The following BAP1 variants were observed in gnomAD, a reference collection of about 807,000 sequenced individuals.
BAP1 encodes the protein BRCA1 associated deubiquitinase 1, also known as ubiquitin carboxyl-terminal hydrolase BAP1.
A neutral mutation model predicts 77.2 loss-of-function variants in BAP1; 16 were observed. The observed-to-expected ratio is 0.21, with a 90% confidence interval of 0.14 to 0.31. BAP1 has a LOEUF of 0.31. Among genes scored for constraint, BAP1 ranks in the 10% least tolerant of loss-of-function variants. The pLI is 1.00. For missense variants in BAP1, 699 were observed against 967.3 expected, an observed-to-expected ratio of 0.72 and a Z score of 3.68; for synonymous variants, 362 against 385.2, an observed-to-expected ratio of 0.94 and a Z score of 0.71.
rs2153226192 is a variant in BAP1 at position 52,402,628 on chromosome 3, G to A, written c.2030C>T (p.Thr677Ile). ...RTHNYDEFIC[T>I]FISMLAQEGM... is the part of the protein sequence containing the mutation. ...TTCCTGAGCCAGCATGGAGATAAAG[G>A]TGCAGATGAACTCATCGTAGTTGTG... The change falls in exon 16 of 17, where the codon ACC (threonine) becomes ATC (isoleucine). Residue 677 changes from threonine to isoleucine, a missense_variant. This residue lies in a region of BAP1 where 64 missense variants were observed against 112.1 expected (regional missense o/e 0.57). Transcript: ENST00000460680. This position sits in a 1 kb window ranked among gnomAD's most constrained non-coding sequence, Gnocchi z 5.3. The A allele has an allele frequency of 6.2e-7, 1 of 1,614,208 alleles. No individual in the cohort carries two copies. The highest frequency in any genetic ancestry group is 8.5e-7 in the Non-Finnish European group (1 of 1,180,034).
chr3:52,408,364 C>G, intron 4 of BAP1, 110 bp downstream of exon 4: 2 of 1,496,610 alleles, frequency 1.3e-6, no homozygotes, highest in Non-Finnish European at 1.8e-6. Context: ...TCTGTAGCTA[C>G]CACCCCTAGA....
In BAP1 at chr3:52,405,361, C is replaced by T. The variant is rs756607025; in HGVS notation, c.932-67G>A. 3.0e-4 allele frequency: 474 copies of T among 1,593,912 alleles called. 1 individual carries two copies. Among genetic ancestry groups the T allele is most frequent in the Non-Finnish European group, 3.5e-4 (409 of 1,166,856 alleles). On this transcript the variant is annotated intron_variant, in intron 10 of 16. Transcript: ENST00000460680. ...CTCCAAGAAAAGCTCACAGTCTCCCCGGCCCTGTGAACCAGCACTTCCCAG... is the reference window on the plus strand; with the variant it reads ...CTCCAAGAAAAGCTCACAGTCTCCCTGGCCCTGTGAACCAGCACTTCCCAG...
At chr3:52,407,922 T>C (rs376350342) in intron 5 of BAP1, 36 bp downstream of exon 5, 18 of 1,612,424 alleles carry the variant, frequency 1.1e-5, no homozygotes, top group East Asian at 2.2e-5. Context: ...ATCTGCCCAG[T>C]TGGCTGTGAG....
Position 52,406,480 on chromosome 3 carries a change from T to C in BAP1, c.660-104A>G. ...CTCCCTGCAGTCACACCTGCAGCTG[T>C]AGGTATAGGCCCCACCCCAACAGGC... On this transcript the variant is annotated intron_variant, in intron 8 of 16. Transcript: ENST00000460680. This position sits in a 1 kb window ranked among gnomAD's most constrained non-coding sequence, Gnocchi z 4.6. 1 of 1,545,748 alleles carries C rather than the reference T, an allele frequency of 6.5e-7. No homozygotes were observed. Among genetic ancestry groups the C allele is most frequent in the Non-Finnish European group, 8.8e-7 (1 of 1,141,390 alleles).
chr3:52,405,664 C>A, intron 10 of BAP1, 101 bp downstream of exon 10: 1 of 1,533,742 alleles, frequency 6.5e-7, no homozygotes, highest in Non-Finnish European at 8.8e-7. Context: ...GAACACTGCC[C>A]AAGGACATCC....
chr3:52,402,212 G>C lies in BAP1; in HGVS notation c.*76C>G. The C allele has an allele frequency of 6.4e-7, 1 of 1,556,410 alleles. No homozygotes were observed. Among genetic ancestry groups the C allele is most frequent in the Non-Finnish European group, 8.7e-7 (1 of 1,152,448 alleles). Reference sequence around the variant, plus strand: ...GGACTATTCAGTAATACTGGGAAAAGGGGAAGTGGGGCAGGGAAGGACCCT... The same window carrying C: ...GGACTATTCAGTAATACTGGGAAAACGGGAAGTGGGGCAGGGAAGGACCCT... On this transcript the variant is annotated 3_prime_UTR_variant, in exon 17 of 17. Transcript: ENST00000460680. The surrounding 1 kb of genome is among the most constrained non-coding windows in gnomAD (Gnocchi z 5.3).
chr3:52,405,568 G>A, intron 10 of BAP1, 197 bp downstream of exon 10: 1 of 773,630 alleles, frequency 1.3e-6, no homozygotes, highest in South Asian at 1.8e-5. Flanking sequence ...ACAGAGAAGG[G>A]CCCAGGGGCC....
intron 5 of BAP1, 89 bp from the exon 6 acceptor site, chr3:52,407,549 A>C: frequency 6.4e-7 from 1 of 1,555,680 alleles, no homozygotes; most frequent in Non-Finnish European, 8.9e-7. Flanking sequence ...AGCAGCCTGG[A>C]GGCATTCCAG....
Position 52,406,222 on chromosome 3 carries a change from T to A in BAP1, c.783+31A>T, listed in dbSNP as rs1431047957. On this transcript the variant is annotated intron_variant, in intron 9 of 16. Coordinates refer to ENST00000460680, the MANE Select transcript of BAP1 (RefSeq NM_004656.4). The surrounding 1 kb of genome is among the most constrained non-coding windows in gnomAD (Gnocchi z 4.6). Reference sequence around the variant, plus strand: ...AGGAGGAATGCAGGGAGGGTTGGGCTGGGCAGAGGCCAGGAAGAAAGGGCA... The same window carrying A: ...AGGAGGAATGCAGGGAGGGTTGGGCAGGGCAGAGGCCAGGAAGAAAGGGCA... The A allele has an allele frequency of 2.5e-6, 4 of 1,590,840 alleles. No individual in the cohort carries two copies. Among genetic ancestry groups the A allele is most frequent in the Non-Finnish European group, 3.4e-6 (4 of 1,164,496 alleles).
At chr3:52,409,669 G>A (rs762606269) in intron 2 of BAP1, 45 bp downstream of exon 2, 6 of 1,614,116 alleles carry the variant, frequency 3.7e-6, no homozygotes, top group Middle Eastern at 1.6e-4. Context: ...GGGCGCAGGG[G>A]TGGGCCGCCA....
In BAP1 at chr3:52,402,078, T is replaced by G. The variant is rs1704972844; in HGVS notation, c.*210A>C. ...TACCTCGCTGTGCCCCAACTCCAGA[T>G]GCTGCCTCCTGAGCACTATGGGGCT... On this transcript the variant is annotated 3_prime_UTR_variant, in exon 17 of 17. Transcript: ENST00000460680. This position sits in a 1 kb window ranked among gnomAD's most constrained non-coding sequence, Gnocchi z 5.3. 1.2e-6 allele frequency: 1 copy of G among 836,716 alleles called. No homozygotes were observed. Among genetic ancestry groups the G allele is most frequent in the Admixed American group, 2.8e-5 (1 of 35,250 alleles). 51.8% of individuals were successfully genotyped at this position (836,716 alleles called of 1,614,324 possible).
At position 52,402,792 on chromosome 3, in the gene BAP1, C is replaced by T. The variant is rs1482658944; in HGVS notation, c.1970G>A (p.Arg657Lys). Residue 657 changes from arginine (R) to lysine (K), a missense_variant, in exon 15 of 17, where the codon AGG (arginine) becomes AAG (lysine). Physicochemically the swap from Arg to Lys is conservative, Grantham distance 26. Around this residue, in one of 3 missense-constraint regions of BAP1, gnomAD observed 64 missense variants for 112.1 expected, o/e 0.57. Transcript: ENST00000460680. The surrounding 1 kb of genome is among the most constrained non-coding windows in gnomAD (Gnocchi z 5.3). ...GAAATCACCCACCTTGAACTTCTTC[C>T]TCTTCTCTACCTCCTCCTTGAGGCA... ...EACLKEEVEKRKKFKIDDQRR... is the reference protein window; with the variant it reads ...EACLKEEVEKKKKFKIDDQRR... 1.2e-6 allele frequency: 2 copies of T among 1,614,232 alleles called. No individual in the cohort carries two copies. Among genetic ancestry groups the T allele is most frequent in the South Asian group, 1.1e-5 (1 of 91,086 alleles).
At chr3:52,409,817 C>G in intron 1 of BAP1, 25 bp downstream of exon 1, 1 of 1,612,964 alleles carries the variant, frequency 6.2e-7, no homozygotes, top group Admixed American at 1.7e-5. Flanking sequence ...TCCCCAGCCC[C>G]TGGCCCTCCC....
intron 11 of BAP1, 114 bp downstream of exon 11, chr3:52,404,996 A>G (rs1705102619): frequency 7.0e-7 from 1 of 1,426,260 alleles, no homozygotes; most frequent in Admixed American, 1.7e-5. Context: ...AGGCCCAGGC[A>G]GCTTGACCCA....
rs1437648704 is a variant in BAP1 at position 52,403,874 on chromosome 3, C to T, written c.1271G>A (p.Gly424Glu). 2 of 1,614,086 alleles carry T rather than the reference C, an allele frequency of 1.2e-6. No individual in the cohort carries two copies. Among genetic ancestry groups the T allele is most frequent in the South Asian group, 1.1e-5 (1 of 91,074 alleles). ...AGAACCGCTCAATGCCCCTGGCTTCCCTGTTCCCTTCCCCTTATACCTGTG... is the reference window on the plus strand; with the variant it reads ...AGAACCGCTCAATGCCCCTGGCTTCTCTGTTCCCTTCCCCTTATACCTGTG... ...SALRYKGKGTGKPGALSGSAD... is the reference protein window; with the variant it reads ...SALRYKGKGTEKPGALSGSAD... The change falls in exon 13 of 17, where the codon GGG becomes GAG. Residue 424 changes from glycine (G) to glutamate (E), a missense_variant. Physicochemically the swap from Gly to Glu is moderately conservative, Grantham distance 98 (BLOSUM62 -2). This residue lies in a region of BAP1 where 475 missense variants were observed against 532.4 expected (regional missense o/e 0.89). Transcript: ENST00000460680. This position sits in a 1 kb window ranked among gnomAD's most constrained non-coding sequence, Gnocchi z 4.0.
rs776634869 is a variant in BAP1 at position 52,403,634 on chromosome 3, T to G, written c.1511A>C (p.Asn504Thr). Reference sequence around the variant, plus strand: ...GCGGATAGGCGAGCGCAGTGGCGAGTTGAAAGCACTGCCGATCTCAGAGGC... The same window carrying G: ...GCGGATAGGCGAGCGCAGTGGCGAGGTGAAAGCACTGCCGATCTCAGAGGC... The part of the protein sequence containing the change: ...DTASEIGSAF[N>T]SPLRSPIRSA... The change falls in exon 13 of 17, where the codon AAC (asparagine) becomes ACC (threonine). Residue 504 changes from asparagine (N) to threonine (T), a missense_variant. Asn to Thr is a moderately conservative substitution (Grantham distance 65). Coordinates refer to ENST00000460680, the MANE Select transcript of BAP1 (RefSeq NM_004656.4). The surrounding 1 kb of genome is among the most constrained non-coding windows in gnomAD (Gnocchi z 4.0). 1 of 1,613,648 alleles carries G rather than the reference T, an allele frequency of 6.2e-7. No individual in the cohort carries two copies. The highest frequency in any genetic ancestry group is 1.7e-5 in the Admixed American group (1 of 59,996).
rs748765525 is a variant in BAP1 at position 52,406,924 on chromosome 3, C to T, written c.581-17G>A. 6.4e-7 allele frequency: 1 copy of T among 1,566,190 alleles called. No individual in the cohort carries two copies. On this transcript the variant is annotated splice_polypyrimidine_tract_variant and intron_variant, in intron 7 of 16. Transcript: ENST00000460680. This position sits in a 1 kb window ranked among gnomAD's most constrained non-coding sequence, Gnocchi z 4.6. ...CCCAGGGCCCTAGTGGAGACCAAGA[C>T]AAGGAATCAGCGAGAAGGAAACCCT...
chr3:52,409,512 C>A (rs2153228481), intron 3 of BAP1, 42 bp downstream of exon 3: 1 of 1,612,574 alleles, frequency 6.2e-7, no homozygotes, highest in South Asian at 1.1e-5. Flanking sequence ...CCTTCCCCAG[C>A]ACTCTGGGTG....
Position 52,401,254 on chromosome 3 carries a change from C to G in BAP1, c.*1034G>C, listed in dbSNP as rs1037663843. The G allele has an allele frequency of 3.9e-5, 9 of 233,128 alleles. No individual in the cohort carries two copies. Among genetic ancestry groups the G allele is most frequent in the African/African-American group, 1.8e-4 (8 of 45,322 alleles). 14.4% of individuals were successfully genotyped at this position (233,128 alleles called of 1,614,324 possible). On this transcript the variant is annotated 3_prime_UTR_variant, in exon 17 of 17. Transcript: ENST00000460680. ...TGCTGGGCCCATTACCCCTTGGCAT[C>G]AGGTCCTCTGGAACACAGGGGCTCC...
Sources: gnomAD v4.1 joint callset for allele counts on GRCh38, gnomAD v4.1.1 for gene constraint, gnomAD v4.1.1 regional missense constraint, Gnocchi (gnomAD v3.1) non-coding constraint, MANE v1.5 for transcripts, NCBI Gene and HGNC (gene_info 2026-07-23, HGNC 2026-07-21) for gene names.